Variants in NELL1 observed in about 807,000 individuals in gnomAD.
NELL1 encodes neural EGFL like 1.
In NELL1, 76 loss-of-function variants were observed where a neutral mutation model predicts 107.4. The observed-to-expected ratio is 0.71, with a 90% CI of 0.59 to 0.86. NELL1 has a LOEUF of 0.86. Among genes scored for constraint, NELL1 ranks in the 40% least tolerant of loss-of-function variants. The pLI is 0.00. For missense variants in NELL1, 1,024 were observed against 1,005.5 expected, an observed-to-expected ratio of 1.02 and a Z score of -0.25; for synonymous variants, 353 against 341.2, an observed-to-expected ratio of 1.03 and a Z score of -0.38.
Position 20,938,908 on chromosome 11 carries a change from G to GTCTCTCTCTCTCTCTCTCTC in NELL1, c.1071+1063_1071+1082dup, listed in dbSNP as rs71443766. ...CATTGAAGCTCTCTCTTCTCTCTCT[G>GTCTCTCTCTCTCTCTCTCTC]TCTCTCTCTCTCTCTCTCTCTCTCT... is the stretch of plus-strand genomic sequence containing the variant. On this transcript the variant is annotated intron_variant, in intron 10 of 19. Transcript: ENST00000357134. Among the ~76,000 whole-genome samples the GTCTCTCTCTCTCTCTCTCTC allele has an allele frequency of 1.6e-3, 235 of 144,580 alleles. 3 individuals carry two copies. The highest frequency in any genetic ancestry group is 5.8e-3 in the African/African-American group (221 of 37,856). The allele number at this position is 144,580 out of a possible 152,430, so 94.9% of individuals were successfully genotyped here. A position where few individuals can be genotyped will look rare whatever the true frequency, so the allele number is the denominator to read the frequency against.
intron 15 of NELL1, among the ~76,000 whole-genome samples, chr11:21,475,744 G>T (rs1416701545): frequency 6.6e-6 from 1 of 152,168 alleles, no homozygotes; most frequent in East Asian, 1.9e-4. Context: ...AAAAATGTTG[G>T]ATTTGTTTGT....
intron 14 of NELL1, among the ~76,000 whole-genome samples, chr11:21,320,356 C>A (rs1047718926): frequency 1.3e-5 from 2 of 152,172 alleles, no homozygotes; most frequent in African/African-American, 2.4e-5. Context: ...AGCCTTTAAT[C>A]TTTTATTAAA....
intron 2 of NELL1, among the ~76,000 whole-genome samples, chr11:20,752,687 G>T (rs531823685): frequency 1.3e-5 from 2 of 151,964 alleles, no homozygotes; most frequent in Non-Finnish European, 2.9e-5. Context: ...AGTAGGAGCT[G>T]TAAGAGGGCA....
intron 12 of NELL1, among the ~76,000 whole-genome samples, chr11:21,077,751 A>AC (rs1315562221): frequency 1.3e-5 from 2 of 151,758 alleles, no homozygotes; most frequent in Non-Finnish European, 2.9e-5. Context: ...TCAGGAAAAA[A>AC]AAAAAAAGAA....
At chr11:20,750,254 A>G (rs1856101808) in intron 2 of NELL1, among the ~76,000 whole-genome samples, 1 of 152,110 alleles carries the variant, frequency 6.6e-6, no homozygotes, top group Admixed American at 6.6e-5. Flanking sequence ...GGGTCCATTA[A>G]AGTCTTTTCT....
chr11:21,166,357 A>G (rs1203173749), intron 13 of NELL1, among the ~76,000 whole-genome samples: 1 of 150,988 alleles, frequency 6.6e-6, no homozygotes, highest in African/African-American at 2.4e-5. Context: ...GTAAAAAATA[A>G]TTTACATTTA....
intron 12 of NELL1, among the ~76,000 whole-genome samples, chr11:21,067,297 A>C (rs1437699904): frequency 6.6e-6 from 1 of 152,200 alleles, no homozygotes; most frequent in Non-Finnish European, 1.5e-5. Context: ...GACAGCGCTG[A>C]AGTCAAATGT....
chr11:21,542,697 G>C (rs1018545118), intron 16 of NELL1, among the ~76,000 whole-genome samples: 1 of 151,992 alleles, frequency 6.6e-6, no homozygotes, highest in African/African-American at 2.4e-5. Flanking sequence ...GAAAGGGTGG[G>C]TGATAAAGAG....
At chr11:20,712,898 C>T (rs1336059800) in intron 2 of NELL1, among the ~76,000 whole-genome samples, 1 of 152,218 alleles carries the variant, frequency 6.6e-6, no homozygotes, top group Non-Finnish European at 1.5e-5. Flanking sequence ...GTAAAATAGA[C>T]TCTATGGGAG....
intron 15 of NELL1, among the ~76,000 whole-genome samples, chr11:21,462,037 G>T (rs919935417): frequency 2.0e-5 from 3 of 152,040 alleles, no homozygotes; most frequent in African/African-American, 7.3e-5. Flanking sequence ...GCTGGATACT[G>T]TCTGTGGCTT....
intron 4 of NELL1, among the ~76,000 whole-genome samples, chr11:20,858,485 CT>C (rs1848921689): frequency 6.6e-6 from 1 of 152,164 alleles, no homozygotes; most frequent in Admixed American, 6.5e-5. Flanking sequence ...AAGGTTTAAC[CT>C]TTTGGTAAAT....
rs568534071 is a variant in NELL1, at chr11:20,852,920, C to T, written c.506+5167C>T. The stretch of plus-strand genomic sequence containing the variant: ...AAGGTAAGAGATGTGGTAAGGCAGT[C>T]AGTATATGATGTATTGCTAGATTCC... On this transcript the variant is annotated intron_variant, in intron 4 of 19. Coordinates refer to ENST00000357134, the MANE Select transcript of NELL1 (RefSeq NM_006157.5). 8.5e-5 allele frequency among the ~76,000 whole-genome samples: 13 copies of T among 152,238 alleles called. No individual in the cohort carries two copies. The South Asian group carries it at 2.5e-3, about 29-fold the overall frequency.
intron 12 of NELL1, among the ~76,000 whole-genome samples, chr11:21,001,603 G>T (rs1852222832): frequency 6.6e-6 from 1 of 152,076 alleles, no homozygotes; most frequent in Non-Finnish European, 1.5e-5. Flanking sequence ...GAGCTAGAGG[G>T]GCAGATGGTT....
chr11:21,018,401 T>A (rs1409471674), intron 12 of NELL1, among the ~76,000 whole-genome samples: 1 of 152,112 alleles, frequency 6.6e-6, no homozygotes, highest in Admixed American at 6.6e-5. Flanking sequence ...TTTATGGAAC[T>A]TCAAGCAACA....
At chr11:21,194,624 A>T (rs949918223) in intron 13 of NELL1, among the ~76,000 whole-genome samples, 2 of 152,276 alleles carry the variant, frequency 1.3e-5, no homozygotes, top group Admixed American at 1.3e-4. Flanking sequence ...TCACTTGGGA[A>T]CTTATTAGAA....
At chr11:21,327,956 C>G (rs952581717) in intron 14 of NELL1, among the ~76,000 whole-genome samples, 4 of 151,936 alleles carry the variant, frequency 2.6e-5, no homozygotes, top group African/African-American at 9.7e-5. Flanking sequence ...GGAAAGTGTT[C>G]AAGAGGAAGC....
At chr11:21,417,116 A>T (rs1428804165) in intron 15 of NELL1, among the ~76,000 whole-genome samples, 1 of 152,040 alleles carries the variant, frequency 6.6e-6, no homozygotes, top group African/African-American at 2.4e-5. Context: ...GGACATGTAT[A>T]AAGGACTTAG....
At position 21,406,618 on chromosome 11, in the gene NELL1, T is replaced by C. The variant is rs888529891; in HGVS notation, c.1645+35670T>C. Among the ~76,000 whole-genome samples, 4 of 152,046 alleles carry C rather than the reference T, an allele frequency of 2.6e-5. No individual in the cohort carries two copies. The East Asian group carries it at 7.8e-4, about 30-fold the overall frequency. ...AACTTCAGAATTAGACATTTAGCCA[T>C]CCTACAAATGTATCTCCTATTTCTG... On this transcript the variant is annotated intron_variant, in intron 15 of 19. Coordinates refer to ENST00000357134, the MANE Select transcript of NELL1 (RefSeq NM_006157.5).
At chr11:20,754,467 A>G (rs1484510365) in intron 2 of NELL1, among the ~76,000 whole-genome samples, 4 of 152,158 alleles carry the variant, frequency 2.6e-5, no homozygotes, top group Admixed American at 2.0e-4. Context: ...ACTTGCACGA[A>G]CACGTCACAG....
Sources: allele counts gnomAD v4.1 joint callset (sites outside exome capture counted in the v4.1 genomes callset), GRCh38; gene constraint gnomAD v4.1.1; transcripts MANE v1.5; gene names NCBI Gene and HGNC (gene_info 2026-07-23, HGNC 2026-07-21).